Variants in TMEM50B observed in about 807,000 individuals in gnomAD.
TMEM50B encodes the protein HCV p7-trans-regulated protein 3.
Under a neutral mutation model 23.4 loss-of-function variants are expected in TMEM50B, and 14 were observed. That is an observed-to-expected ratio of 0.60 (90% CI 0.39 to 0.93). The LOEUF is 0.93. TMEM50B is among the 40% of genes least tolerant of loss of function. TMEM50B has a pLI of 0.00. For missense variants in TMEM50B, 159 were observed against 193.0 expected (o/e 0.82, Z 1.04); for synonymous variants, 64 against 62.3 (o/e 1.03, Z -0.13).
chr21:33,436,739 A>T, intron 8 of TMEM50B: 4 of 1,097,004 alleles, frequency 3.6e-6, no homozygotes, highest in Non-Finnish European at 5.3e-6. Context: ...ATAAAAATAA[A>T]AATAAAATAA....
At chr21:33,465,073 C>A in intron 4 of TMEM50B, 1 of 330,940 alleles carries the variant, frequency 3.0e-6, no homozygotes, top group South Asian at 7.8e-5. Context: ...AATAATAAAT[C>A]CATCATTAGC....
intron 1 of TMEM50B, among the ~76,000 whole-genome samples, chr21:33,470,335 G>T (rs1415803225): frequency 2.8e-5 from 4 of 145,336 alleles, no homozygotes; most frequent in Non-Finnish European, 6.0e-5. Flanking sequence ...TGAGGCAGGA[G>T]AATCGCTTGA....
At chr21:33,437,543 T>C (rs993068964) in intron 8 of TMEM50B, 4 of 152,620 alleles carry the variant, frequency 2.6e-5, no homozygotes, top group African/African-American at 9.6e-5. Context: ...TTCTTTATTG[T>C]AGCCTATTTT....
At chr21:33,438,043 G>C (rs1044324579) in intron 8 of TMEM50B, among the ~76,000 whole-genome samples, 1 of 151,008 alleles carries the variant, frequency 6.6e-6, no homozygotes, top group Non-Finnish European at 1.5e-5. Flanking sequence ...CCAGCACTTT[G>C]GGAGGTCAAG....
At chr21:33,475,217 GC>G (rs1160102082) in intron 1 of TMEM50B, among the ~76,000 whole-genome samples, 6 of 152,116 alleles carry the variant, frequency 3.9e-5, no homozygotes, top group Non-Finnish European at 7.3e-5. Context: ...TTGAGCCACT[GC>G]GGCTGGCCAA....
Position 33,468,771 on chromosome 21 carries a change from A to G in TMEM50B, c.99+16T>C. The G allele has an allele frequency of 1.9e-6, 3 of 1,602,284 alleles. No homozygotes were observed. Among genetic ancestry groups the G allele is most frequent in the Non-Finnish European group, 2.6e-6 (3 of 1,170,406 alleles). On this transcript the variant is annotated intron_variant, in intron 2 of 6. Coordinates refer to ENST00000542230, the MANE Select transcript of TMEM50B (RefSeq NM_006134.7). The stretch of plus-strand genomic sequence containing the variant: ...AGGTAAGGGATACATGTCACCAACC[A>G]GTCTTTCTCACTTACCAATATACCT...
In TMEM50B at chr21:33,450,055, C is replaced by T. The variant is rs578232129; in HGVS notation, c.*763G>A. The T allele has an allele frequency of 1.4e-3, 213 of 152,242 alleles. No individual in the cohort carries two copies. The highest frequency in any genetic ancestry group is 4.9e-3 in the African/African-American group (205 of 41,536). 9.4% of individuals were successfully genotyped at this position (152,242 alleles called of 1,614,324 possible). ...AGTACACTTCTTCAATACATAAGAA[C>T]AAATATTTTTTCTTTACCAAAAAAA... On this transcript the variant is annotated 3_prime_UTR_variant, in exon 7 of 7. Transcript: ENST00000542230.
chr21:33,474,413 C>A (rs1230186863), intron 1 of TMEM50B, among the ~76,000 whole-genome samples: 1 of 151,278 alleles, frequency 6.6e-6, no homozygotes, highest in African/African-American at 2.4e-5. Context: ...ATCACCAAAC[C>A]TGCGCTAAGA....
At chr21:33,467,237 C>T (rs752412097) in intron 2 of TMEM50B, 115 bp from the exon 3 acceptor site, 22 of 845,878 alleles carry the variant, frequency 2.6e-5, no homozygotes, top group African/African-American at 5.1e-5. Context: ...CAGAGGCTCA[C>T]GCCTGTAATC....
intron 1 of TMEM50B, among the ~76,000 whole-genome samples, chr21:33,476,988 A>G (rs886650539): frequency 2.0e-5 from 3 of 151,928 alleles, no homozygotes; most frequent in Non-Finnish European, 4.4e-5. Context: ...ACAACGGTAT[A>G]CCATGCAACA....
At chr21:33,456,095 A>G in intron 5 of TMEM50B, 1 of 601,224 alleles carries the variant, frequency 1.7e-6, no homozygotes, top group Non-Finnish European at 3.2e-6. Flanking sequence ...CCTATGGCCA[A>G]CACTGAAATG....
At position 33,475,817 on chromosome 21, in the gene TMEM50B, G is replaced by C. The variant is rs530910928; in HGVS notation, c.-42+4021C>G. On this transcript the variant is annotated intron_variant, in intron 1 of 6. Coordinates refer to ENST00000542230, the MANE Select transcript of TMEM50B (RefSeq NM_006134.7). Reference sequence around the variant, plus strand: ...AAAATACAAAAAATCAGCTGGGCGTGGTGGCACGCACCTGTAGTCCCAGCT... The same window carrying C: ...AAAATACAAAAAATCAGCTGGGCGTCGTGGCACGCACCTGTAGTCCCAGCT... Among the ~76,000 whole-genome samples the C allele has an allele frequency of 5.3e-5, 8 of 152,248 alleles. No homozygotes were observed. The South Asian group carries it at 1.7e-3, about 32-fold the overall frequency.
Position 33,468,804 on chromosome 21 carries a change from C to G in TMEM50B, c.82G>C (p.Val28Leu). ...TCACTTACCAATATACCTGCGACAA[C>G]AGATGCCACAGCATTTCTTCTCTCA... ...WSERRNAVASVVAGILFFTGW... is the reference protein window; with the variant it reads ...WSERRNAVASLVAGILFFTGW... Residue 28 changes from valine to leucine, a missense_variant, in exon 2 of 7, where the codon GTT (valine) becomes CTT (leucine). Physicochemically the swap from Val to Leu is conservative, Grantham distance 32. Coordinates refer to ENST00000542230, the MANE Select transcript of TMEM50B (RefSeq NM_006134.7). The G allele has an allele frequency of 6.2e-7, 1 of 1,613,964 alleles. No individual in the cohort carries two copies. The highest frequency in any genetic ancestry group is 8.5e-7 in the Non-Finnish European group (1 of 1,179,964).
intron 8 of TMEM50B, among the ~76,000 whole-genome samples, chr21:33,436,323 C>T (rs1227859239): frequency 5.3e-5 from 8 of 150,094 alleles, no homozygotes; most frequent in Non-Finnish European, 1.2e-4. Context: ...CGTGAAACTC[C>T]GTCTCAAAAA....
At chr21:33,446,350 C>T (rs2084055033), downstream of TMEM50B, among the ~76,000 whole-genome samples, 1 of 151,224 alleles carries the variant, frequency 6.6e-6, no homozygotes, top group African/African-American at 2.4e-5. Flanking sequence ...AATTCTCCTG[C>T]CTCAGCATCC....
intron 4 of TMEM50B, among the ~76,000 whole-genome samples, chr21:33,461,625 A>T (rs978692025): frequency 2.0e-5 from 3 of 151,954 alleles, no homozygotes; most frequent in African/African-American, 4.8e-5. Flanking sequence ...GCAACATGGT[A>T]AAACCCTATC....
At chr21:33,464,804 CAAAAAAAA>C (rs59855166) in intron 4 of TMEM50B, among the ~76,000 whole-genome samples, 4 of 100,894 alleles carry the variant, frequency 4.0e-5, no homozygotes, top group Admixed American at 1.1e-4. Context: ...AACTCCGTCT[CAAAAAAAA>C]AAAAAAAAAA....
intron 4 of TMEM50B, among the ~76,000 whole-genome samples, chr21:33,461,842 C>T (rs915676533): frequency 1.3e-5 from 2 of 151,688 alleles, no homozygotes; most frequent in African/African-American, 2.4e-5. Context: ...CCATCATGTC[C>T]TTTATTTATG....
intron 1 of TMEM50B, among the ~76,000 whole-genome samples, chr21:33,474,037 T>A (rs1322783507): frequency 6.7e-6 from 1 of 148,438 alleles, no homozygotes; most frequent in Non-Finnish European, 1.5e-5. Context: ...AGATACAAAG[T>A]GACTGCAAAA....
Sources: allele counts gnomAD v4.1 joint callset (sites outside exome capture counted in the v4.1 genomes callset), GRCh38; gene constraint gnomAD v4.1.1; transcripts MANE v1.5; gene names NCBI Gene and HGNC (gene_info 2026-07-23, HGNC 2026-07-21).